CADPS: variants seen among roughly 807,000 people sequenced by gnomAD.
The protein encoded by CADPS is calcium dependent secretion activator.
In CADPS, 57 loss-of-function variants were observed where a neutral mutation model predicts 167.3. That is an observed-to-expected ratio of 0.34 (90% CI 0.28 to 0.42). The LOEUF is 0.42. CADPS is among the 20% of genes least tolerant of loss of function. CADPS has a pLI of 1.00. For missense variants in CADPS, 1,414 were observed against 1,738.1 expected (o/e 0.81, Z 3.32); for synonymous variants, 676 against 635.3 (o/e 1.06, Z -0.96).
chr3:62,794,970 A>G (rs933090747), intron 1 of CADPS, among the ~76,000 whole-genome samples: 1 of 151,924 alleles, frequency 6.6e-6, no homozygotes, highest in Non-Finnish European at 1.5e-5. Context: ...CCAGAGCGCT[A>G]TGGGTTCTCA....
At chr3:62,575,473 T>C (rs2082078757) in intron 8 of CADPS, among the ~76,000 whole-genome samples, 1 of 152,222 alleles carries the variant, frequency 6.6e-6, no homozygotes, top group Admixed American at 6.5e-5. Flanking sequence ...GGTACCTACC[T>C]CAAGGGTTGT....
In CADPS at chr3:62,755,078, T is replaced by A. The variant is rs1410778108; in HGVS notation, c.556-1305A>T. Among the ~76,000 whole-genome samples, 4 of 152,302 alleles carry A rather than the reference T, an allele frequency of 2.6e-5. No individual in the cohort carries two copies. In the East Asian group the frequency reaches 7.7e-4, roughly 29 times the overall value. ...AATGAATATAGGTGTTAGGTTAAGT[T>A]TATTTTGTAGATGAAAAACTGAGAC... On this transcript the variant is annotated intron_variant, in intron 2 of 29. Coordinates refer to ENST00000383710, the MANE Select transcript of CADPS (RefSeq NM_003716.4).
chr3:62,707,958 C>A (rs575946055), intron 3 of CADPS, among the ~76,000 whole-genome samples: 16 of 152,102 alleles, frequency 1.1e-4, no homozygotes, highest in African/African-American at 3.6e-4. Context: ...AGAGTCTCTA[C>A]TCTATTGTCC....
chr3:62,592,128 G>A (rs1017915731), intron 7 of CADPS, among the ~76,000 whole-genome samples: 2 of 152,184 alleles, frequency 1.3e-5, no homozygotes, highest in East Asian at 1.9e-4. Flanking sequence ...ACACCCCACA[G>A]TGGATTTTGT....
At chr3:62,741,800 A>G (rs746677833) in intron 3 of CADPS, among the ~76,000 whole-genome samples, 18 of 152,194 alleles carry the variant, frequency 1.2e-4, no homozygotes, top group Non-Finnish European at 2.2e-4. Context: ...AAAGAAAAAA[A>G]GAGCATCCAA....
At chr3:62,669,515 T>G (rs2075134725) in intron 3 of CADPS, among the ~76,000 whole-genome samples, 1 of 152,140 alleles carries the variant, frequency 6.6e-6, no homozygotes, top group African/African-American at 2.4e-5. Context: ...TGCCTCCAAA[T>G]TCCTTCCTCT....
chr3:62,617,300 AC>A (rs1418361700), intron 6 of CADPS, among the ~76,000 whole-genome samples: 1 of 152,114 alleles, frequency 6.6e-6, no homozygotes, highest in Non-Finnish European at 1.5e-5. Flanking sequence ...GGATTTGGGA[AC>A]CCATTACTGG....
intron 4 of CADPS, among the ~76,000 whole-genome samples, chr3:62,661,943 G>A (rs763005030): frequency 3.1e-4 from 47 of 152,152 alleles, no homozygotes; most frequent in Non-Finnish European, 5.6e-4. Context: ...AAGAGAAGAG[G>A]AGTAAATATA....
chr3:62,802,108 T>C (rs1056394264), intron 1 of CADPS, among the ~76,000 whole-genome samples: 5 of 152,106 alleles, frequency 3.3e-5, no homozygotes, highest in African/African-American at 9.7e-5. Flanking sequence ...GCAAATAATA[T>C]ATATCAGTGG....
chr3:62,523,049 C>T (rs1013557441), intron 13 of CADPS, among the ~76,000 whole-genome samples: 2 of 152,146 alleles, frequency 1.3e-5, no homozygotes, highest in African/African-American at 4.8e-5. Flanking sequence ...TTTTCGGCAG[C>T]ATGATAGGAA....
chr3:62,789,844 T>C lies in CADPS; in HGVS notation c.442-23860A>G, dbSNP rs1202700101. 2.6e-5 allele frequency among the ~76,000 whole-genome samples: 4 copies of C among 152,192 alleles called. No homozygotes were observed. The East Asian group carries it at 7.7e-4, about 29-fold the overall frequency. On this transcript the variant is annotated intron_variant, in intron 1 of 29. Coordinates refer to ENST00000383710, the MANE Select transcript of CADPS (RefSeq NM_003716.4). ...TATCAAGCCTTATTATGTGCTAGGC[T>C]CTCAGCCAAGCCCTTAACATAGTTT...
At chr3:62,745,488 C>A (rs537321974) in intron 3 of CADPS, among the ~76,000 whole-genome samples, 2 of 152,276 alleles carry the variant, frequency 1.3e-5, no homozygotes, top group East Asian at 3.9e-4. Context: ...CTTCTAGGGG[C>A]AGTGTATGAC....
chr3:62,750,129 G>A (rs1445758497), intron 3 of CADPS, among the ~76,000 whole-genome samples: 1 of 151,828 alleles, frequency 6.6e-6, no homozygotes. Context: ...AGGTGGGTGG[G>A]TCACCTGAGG....
chr3:62,836,431 G>A (rs779336392), intron 1 of CADPS, among the ~76,000 whole-genome samples: 9 of 152,076 alleles, frequency 5.9e-5, no homozygotes, highest in Admixed American at 1.3e-4. Flanking sequence ...AGAAAAATAC[G>A]CACTAGATGC....
chr3:62,405,923 T>C (rs1422465966), intron 28 of CADPS, among the ~76,000 whole-genome samples: 3 of 152,192 alleles, frequency 2.0e-5, no homozygotes, highest in Non-Finnish European at 4.4e-5. Context: ...CAATGCCTTC[T>C]AGAACTTTAA....
At chr3:62,516,502 T>G (rs774857469) in intron 15 of CADPS, 78 bp downstream of exon 15, 12 of 1,180,422 alleles carry the variant, frequency 1.0e-5, no homozygotes, top group Non-Finnish European at 1.5e-5. Flanking sequence ...AACTAGGTCA[T>G]TCAACCAAAA....
intron 3 of CADPS, among the ~76,000 whole-genome samples, chr3:62,715,753 C>CGTTTTT (rs2084402993): frequency 1.1e-5 from 1 of 89,716 alleles, no homozygotes; most frequent in Non-Finnish European, 2.0e-5. Context: ...GATTATAAAT[C>CGTTTTT]TTTTTTTTTT....
intron 6 of CADPS, among the ~76,000 whole-genome samples, chr3:62,622,080 C>T (rs1034317239): frequency 6.6e-6 from 1 of 152,036 alleles, no homozygotes; most frequent in Non-Finnish European, 1.5e-5. Flanking sequence ...TGCATTCAAA[C>T]TTCTCATGCA....
chr3:62,795,347 T>TA (rs1220190592), intron 1 of CADPS, among the ~76,000 whole-genome samples: 1 of 152,010 alleles, frequency 6.6e-6, no homozygotes, highest in Non-Finnish European at 1.5e-5. Flanking sequence ...TACTTACCAT[T>TA]AAAAAAATAC....
Sources: allele counts gnomAD v4.1 joint callset (sites outside exome capture counted in the v4.1 genomes callset), GRCh38; gene constraint gnomAD v4.1.1; transcripts MANE v1.5; gene names NCBI Gene and HGNC (gene_info 2026-07-23, HGNC 2026-07-21).